Variants in XRN1 observed in about 807,000 individuals in gnomAD.
The protein encoded by XRN1 is strand-exchange protein 1 homolog.
In XRN1, 67 loss-of-function variants were observed where a neutral mutation model predicts 222.3. The observed-to-expected ratio is 0.30, with a 90% confidence interval of 0.25 to 0.37. The LOEUF (loss-of-function observed/expected upper bound fraction) is 0.37. Among genes scored for constraint, XRN1 ranks in the 10% least tolerant of loss-of-function variants. XRN1 has a pLI of 1.00. For synonymous variants in XRN1, 643 were observed against 652.4 expected, an observed-to-expected ratio of 0.99 and a Z score of 0.22; for missense variants, 1,707 against 2,000.2, an observed-to-expected ratio of 0.85 and a Z score of 2.80.
chr3:142,334,134 TGGCTTCACCAAAAGTCCATG>T (rs2065781187), intron 34 of XRN1, among the ~76,000 whole-genome samples: 2 of 152,224 alleles, frequency 1.3e-5, no homozygotes, highest in African/African-American at 4.8e-5. Flanking sequence ...AGAATAATAA[TGGCTTCACCAAAAGTCCATG>T]GGCTTCACCA....
chr3:142,432,585 T>C (rs906472850), intron 2 of XRN1, 76 bp downstream of exon 2: 44 of 1,293,630 alleles, frequency 3.4e-5, no homozygotes, highest in Non-Finnish European at 8.4e-6. Flanking sequence ...GAAGATTGTG[T>C]TAAATCAATT....
chr3:142,390,519 C>A (rs1189028267), intron 20 of XRN1, among the ~76,000 whole-genome samples: 2 of 152,208 alleles, frequency 1.3e-5, no homozygotes, highest in Non-Finnish European at 2.9e-5. Flanking sequence ...AGCTTCCTCA[C>A]CTCTCTCAGC....
chr3:142,432,476 A>C (rs1377393637), intron 2 of XRN1, among the ~76,000 whole-genome samples, 185 bp downstream of exon 2: 1 of 151,744 alleles, frequency 6.6e-6, no homozygotes, highest in Non-Finnish European at 1.5e-5. Flanking sequence ...TTGAGAAAGG[A>C]CATCTCACTG....
intron 1 of XRN1, among the ~76,000 whole-genome samples, chr3:142,434,498 T>G (rs2069782499): frequency 6.6e-6 from 1 of 151,438 alleles, no homozygotes; most frequent in African/African-American, 2.4e-5. Context: ...TGATCAAATT[T>G]TTTTTTTTAC....
chr3:142,410,887 C>G (rs934153933), intron 15 of XRN1, among the ~76,000 whole-genome samples: 4 of 152,038 alleles, frequency 2.6e-5, no homozygotes, highest in Non-Finnish European at 4.4e-5. Context: ...AAATTTGGGT[C>G]TCTGGAATAT....
intron 15 of XRN1, among the ~76,000 whole-genome samples, chr3:142,406,147 T>C (rs573457720): frequency 3.2e-4 from 48 of 152,234 alleles, no homozygotes; most frequent in Non-Finnish European, 6.0e-4. Context: ...AAAAGTATTT[T>C]CAATAAGACA....
rs555310481 is a variant in XRN1, at chr3:142,421,013, C to T, written c.1173+3G>A. On this transcript the variant is annotated splice_donor_region_variant and intron_variant, in intron 10 of 40. Coordinates refer to ENST00000392981, the MANE Select transcript of XRN1 (RefSeq NM_001282857.2). Reference sequence around the variant, plus strand: ...ATGAAAGGACACCTAAAAAAATAGACACCTTTAACTTTTTCTTTTCCTTGT... The same window carrying T: ...ATGAAAGGACACCTAAAAAAATAGATACCTTTAACTTTTTCTTTTCCTTGT... 19 of 1,613,468 alleles carry T rather than the reference C, an allele frequency of 1.2e-5. No homozygotes were observed. The South Asian group carries it at 2.0e-4, about 17-fold the overall frequency.
At chr3:142,413,647 G>A (rs1321017474) in intron 14 of XRN1, among the ~76,000 whole-genome samples, 1 of 152,136 alleles carries the variant, frequency 6.6e-6, no homozygotes, top group Admixed American at 6.5e-5. Flanking sequence ...CCTGTTACAT[G>A]AAATATGTTA....
rs1234226437 is a variant in XRN1, at chr3:142,380,130, G to GA, written c.2666dup (p.Ser890GlnfsTer5). 1 of 1,613,826 alleles carries GA rather than the reference G, an allele frequency of 6.2e-7. No homozygotes were observed. Among genetic ancestry groups the GA allele is most frequent in the Non-Finnish European group, 8.5e-7 (1 of 1,179,926 alleles). Reference sequence around the variant, plus strand: ...CAAGATTGGGTTCACATGGAATGCTGAAAATCACACGAATCCTACCTTCTG... The same window carrying GA: ...CAAGATTGGGTTCACATGGAATGCTGAAAAATCACACGAATCCTACCTTCTG... On this transcript the variant is annotated frameshift_variant, in exon 23 of 41. Coordinates refer to ENST00000392981, the MANE Select transcript of XRN1 (RefSeq NM_001282857.2). LOFTEE classifies it high-confidence loss of function.
At chr3:142,438,601 C>T (rs2070038547) in intron 1 of XRN1, among the ~76,000 whole-genome samples, 1 of 152,064 alleles carries the variant, frequency 6.6e-6, no homozygotes, top group African/African-American at 2.4e-5. Context: ...GCAAAAACGC[C>T]CCTAAGATGT....
At chr3:142,442,026 T>C (rs2070239559) in intron 1 of XRN1, among the ~76,000 whole-genome samples, 1 of 152,220 alleles carries the variant, frequency 6.6e-6, no homozygotes, top group African/African-American at 2.4e-5. Context: ...AATGGAATAC[T>C]TGAAAATAAT....
chr3:142,388,191 T>C (rs1430941756), intron 20 of XRN1, among the ~76,000 whole-genome samples: 1 of 152,226 alleles, frequency 6.6e-6, no homozygotes, highest in African/African-American at 2.4e-5. Flanking sequence ...AGACAGCAGA[T>C]GAACCCCTCC....
At chr3:142,382,293 T>C (rs961812077) in intron 22 of XRN1, among the ~76,000 whole-genome samples, 2 of 152,186 alleles carry the variant, frequency 1.3e-5, no homozygotes, top group Non-Finnish European at 2.9e-5. Flanking sequence ...TTTATCATAA[T>C]GGTTGCACAA....
rs140973499 is a variant in XRN1 at position 142,412,175 on chromosome 3, G to A, written c.1713+369C>T. Among the ~76,000 whole-genome samples, 980 of 152,258 alleles carry A rather than the reference G, an allele frequency of 6.4e-3. 12 individuals are homozygous for A. Among genetic ancestry groups the A allele is most frequent in the South Asian group, 0.026 (127 of 4,832 alleles). On this transcript the variant is annotated intron_variant, in intron 15 of 40. Coordinates refer to ENST00000392981, the MANE Select transcript of XRN1 (RefSeq NM_001282857.2). ...TGTTATTAATTCTTCAGAGAAAAGTGTTGAAATTTCTAGCTATAATTCTGG... is the reference window on the plus strand; with the variant it reads ...TGTTATTAATTCTTCAGAGAAAAGTATTGAAATTTCTAGCTATAATTCTGG...
chr3:142,413,188 T>C (rs2068654072), intron 14 of XRN1, among the ~76,000 whole-genome samples: 1 of 152,194 alleles, frequency 6.6e-6, no homozygotes, highest in Admixed American at 6.5e-5. Flanking sequence ...AACACATTTC[T>C]ATGACTTTAT....
intron 25 of XRN1, among the ~76,000 whole-genome samples, chr3:142,374,526 A>T (rs563357065): frequency 6.6e-6 from 1 of 152,292 alleles, no homozygotes; most frequent in East Asian, 1.9e-4. Flanking sequence ...ACTTCATCAT[A>T]AGGAAGTAAA....
chr3:142,384,705 T>C lies in XRN1; in HGVS notation c.2340-20A>G, dbSNP rs1264370902. On this transcript the variant is annotated intron_variant, in intron 20 of 40. Transcript: ENST00000392981. ...AGGTAGCTAAAATAAAGAATAAACA[T>C]GAAATATACATATGAATGAGTATGC... The C allele has an allele frequency of 1.9e-6, 3 of 1,547,008 alleles. No individual in the cohort carries two copies. Among genetic ancestry groups the C allele is most frequent in the Middle Eastern group, 1.7e-4 (1 of 5,880 alleles).
At chr3:142,425,026 A>C (rs1045751246) in intron 5 of XRN1, among the ~76,000 whole-genome samples, 196 bp downstream of exon 5, 4 of 152,160 alleles carry the variant, frequency 2.6e-5, no homozygotes, top group Admixed American at 6.5e-5. Context: ...AATTATAGAG[A>C]TCTGTTGGTC....
At chr3:142,436,489 C>A (rs1377418475) in intron 1 of XRN1, among the ~76,000 whole-genome samples, 1 of 152,164 alleles carries the variant, frequency 6.6e-6, no homozygotes, top group Non-Finnish European at 1.5e-5. Flanking sequence ...ATTGGCATAA[C>A]TAATCACAAA....
Sources: gnomAD v4.1 joint callset for allele counts (sites outside exome capture counted in the v4.1 genomes callset) on GRCh38, gnomAD v4.1.1 for gene constraint, MANE v1.5 for transcripts, NCBI Gene and HGNC (gene_info 2026-07-23, HGNC 2026-07-21) for gene names.